Variants in CWC22 observed in about 807,000 individuals in gnomAD.
CWC22 encodes CWC22 spliceosome associated protein, also known as pre-mRNA-splicing factor CWC22 homolog.
In CWC22, 53 loss-of-function variants were observed where a neutral mutation model predicts 117.2. That is an observed-to-expected ratio of 0.45 (90% CI 0.36 to 0.57). CWC22 has a LOEUF of 0.57. CWC22 is among the 20% of genes least tolerant of loss of function. The probability of loss-of-function intolerance (pLI) is 0.00; values close to 1 mark genes in which losing one functional copy is unlikely to be tolerated. For synonymous variants in CWC22, 360 were observed against 355.6 expected (o/e 1.01, Z -0.14); for missense variants, 980 against 1,068.8 (o/e 0.92, Z 1.16).
chr2:179,980,058 G>C (rs897795178), intron 5 of CWC22, among the ~76,000 whole-genome samples: 1 of 152,160 alleles, frequency 6.6e-6, no homozygotes, highest in Non-Finnish European at 1.5e-5. Context: ...TGACTCTCCT[G>C]TGTGCTTTAT....
chr2:179,995,035 G>A lies in CWC22; in HGVS notation c.-113-1581C>T, dbSNP rs529066112. On this transcript the variant is annotated intron_variant, in intron 1 of 19. Coordinates refer to ENST00000410053, the MANE Select transcript of CWC22 (RefSeq NM_020943.3). ...CCGGAGGCTGAGGTGGGAGAATGGCGTGAACCTGGGAGGCGGAGCTTGCAG... is the reference window on the plus strand; with the variant it reads ...CCGGAGGCTGAGGTGGGAGAATGGCATGAACCTGGGAGGCGGAGCTTGCAG... 5.9e-5 allele frequency among the ~76,000 whole-genome samples: 9 copies of A among 152,214 alleles called. No homozygotes were observed. In the East Asian group the frequency reaches 7.8e-4, roughly 13 times the overall value.
Position 179,963,705 on chromosome 2 carries a change from A to G in CWC22, c.1397+842T>C, listed in dbSNP as rs188323328. On this transcript the variant is annotated intron_variant, in intron 13 of 19. Transcript: ENST00000410053. ...GATAAAGCAAAAAAATTCCCAACCA[A>G]TGTTTTGCTGTTTAACGTTCCTCTA... 3.9e-4 allele frequency among the ~76,000 whole-genome samples: 59 copies of G among 152,306 alleles called. 1 individual carries two copies. In the East Asian group the frequency reaches 0.011, roughly 28 times the overall value.
chr2:179,977,451 T>C (rs1049739173), intron 6 of CWC22, among the ~76,000 whole-genome samples: 2 of 152,082 alleles, frequency 1.3e-5, no homozygotes, highest in African/African-American at 4.8e-5. Flanking sequence ...TTATGCTAAG[T>C]GAAATAAGCC....
intron 17 of CWC22, among the ~76,000 whole-genome samples, chr2:179,951,995 C>A (rs1686462847): frequency 6.6e-6 from 1 of 151,986 alleles, no homozygotes; most frequent in African/African-American, 2.4e-5. Context: ...AGAAGTCAAC[C>A]TAAGTGGCAA....
intron 19 of CWC22, among the ~76,000 whole-genome samples, chr2:179,949,993 AG>A: frequency 6.6e-6 from 1 of 152,284 alleles, no homozygotes; most frequent in Middle Eastern, 3.4e-3. Flanking sequence ...AGCTGCCATG[AG>A]GATGGAAGGA....
intron 5 of CWC22, among the ~76,000 whole-genome samples, chr2:179,980,578 T>A (rs1273729812): frequency 6.6e-6 from 1 of 151,940 alleles, no homozygotes; most frequent in Non-Finnish European, 1.5e-5. Flanking sequence ...CCACCACGCC[T>A]GGCTAATTTT....
intron 19 of CWC22, 96 bp downstream of exon 19, chr2:179,950,416 A>T: frequency 1.3e-6 from 1 of 772,622 alleles, no homozygotes; most frequent in South Asian, 1.8e-5. Flanking sequence ...CTGATCTCTA[A>T]GACAAATAAA....
Position 179,970,799 on chromosome 2 carries a change from T to A in CWC22, c.998A>T (p.Gln333Leu), listed in dbSNP as rs778088704. 4.3e-6 allele frequency: 7 copies of A among 1,613,716 alleles called. No individual in the cohort carries two copies. The highest frequency in any genetic ancestry group is 5.9e-6 in the Non-Finnish European group (7 of 1,179,764). Residue 333 changes from glutamine (Q) to leucine (L), a missense_variant, in exon 10 of 20, where the codon CAA (glutamine) becomes CTA (leucine). By Grantham distance (113) the Gln-to-Leu change is moderately radical. Transcript: ENST00000410053. ...AGCAAACATCACTTCAATCATATATTGAACTCTTTTGTCAATTTCAGACTC... is the reference window on the plus strand; with the variant it reads ...AGCAAACATCACTTCAATCATATATAGAACTCTTTTGTCAATTTCAGACTC... ...LHESEIDKRV[Q>L]YMIEVMFAVR...
rs1408494313 is a variant in CWC22, at chr2:179,981,798, G to A, written c.406C>T (p.Pro136Ser). ...LTRTGGAYIP[P>S]AKLRMMQEQI... Reference sequence around the variant, plus strand: ...TCCTGCATCATCCTGAGCTTTGCAGGGGGAATATATGCTCCACCAGTGCGA... The same window carrying A: ...TCCTGCATCATCCTGAGCTTTGCAGAGGGAATATATGCTCCACCAGTGCGA... The change falls in exon 5 of 20, where the codon CCT becomes TCT. Residue 136 changes from proline (P) to serine (S), a missense_variant. Around this residue, in one of 3 missense-constraint regions of CWC22, gnomAD observed 559 missense variants for 602.3 expected, o/e 0.93. Transcript: ENST00000410053. 10 of 1,613,878 alleles carry A rather than the reference G, an allele frequency of 6.2e-6. No homozygotes were observed. The highest frequency in any genetic ancestry group is 8.5e-6 in the Non-Finnish European group (10 of 1,179,858).
intron 4 of CWC22, among the ~76,000 whole-genome samples, chr2:179,982,468 TAAG>T (rs1687309144): frequency 6.6e-6 from 1 of 152,150 alleles, no homozygotes; most frequent in Non-Finnish European, 1.5e-5. Context: ...AAGAGTGTTT[TAAG>T]AAGACAAATT....
Position 179,964,577 on chromosome 2 carries a change from C to G in CWC22, c.1367G>C (p.Arg456Pro). The G allele has an allele frequency of 3.8e-6, 6 of 1,569,752 alleles. No homozygotes were observed. Among genetic ancestry groups the G allele is most frequent in the Non-Finnish European group, 5.2e-6 (6 of 1,154,172 alleles). The change falls in exon 13 of 20, where the codon CGT (arginine) becomes CCT (proline). Residue 456 changes from arginine to proline, a missense_variant. Arg to Pro is a moderately radical substitution (Grantham distance 103). Transcript: ENST00000410053. ...DKTEINLVSF[R>P]RTIYLAIQSS... is the part of the protein sequence containing the mutation. ...CTGAATAGCAAGATAAATTGTACGA[C>G]GAAATGAGACCAGGTTAATTTCTGT...
rs61745754 is a variant in CWC22, at chr2:179,978,219, C to T, written c.552G>A (p.Glu184=). Residue 184 remains glutamate (E), a synonymous_variant, in exon 6 of 20, where the codon GAG becomes GAA. Transcript: ENST00000410053. The part of the protein sequence containing the change: ...NISNISIIIQ[E]LLQENIVRGR... ...CTCTAACTATATTTTCTTGAAGAAG[C>T]TCTTGAATAATAATACTTATGTTGG... 1,620 of 1,550,982 alleles carry T rather than the reference C, an allele frequency of 1.0e-3. 19 individuals carry two copies. In the African/African-American group the frequency reaches 0.02, roughly 20 times the overall value.
chr2:179,997,485 T>C (rs1356380502), intron 1 of CWC22, among the ~76,000 whole-genome samples: 1 of 152,178 alleles, frequency 6.6e-6, no homozygotes, highest in Non-Finnish European at 1.5e-5. Flanking sequence ...CTCAACAAGA[T>C]GACTCTGTTG....
intron 2 of CWC22, among the ~76,000 whole-genome samples, chr2:179,990,574 GAGA>G (rs1687538133): frequency 1.3e-5 from 2 of 151,388 alleles, no homozygotes; most frequent in East Asian, 3.9e-4. Context: ...GAGAGAGAGA[GAGA>G]GAAAGAAGAA....
At chr2:179,946,412 C>T (rs1042773387) in intron 19 of CWC22, among the ~76,000 whole-genome samples, 1 of 127,272 alleles carries the variant, frequency 7.9e-6, no homozygotes, top group Non-Finnish European at 1.5e-5. Context: ...GAATGCACCG[C>T]TACACCCCAG....
intron 2 of CWC22, 44 bp from the exon 3 acceptor site, chr2:179,988,688 G>C: frequency 2.8e-6 from 3 of 1,053,208 alleles, no homozygotes. Context: ...AATTATTTAT[G>C]TTAATAACAC....
At chr2:179,951,971 A>G (rs1686461723) in intron 17 of CWC22, among the ~76,000 whole-genome samples, 1 of 152,152 alleles carries the variant, frequency 6.6e-6, no homozygotes, top group African/African-American at 2.4e-5. Flanking sequence ...TGATTTCAGT[A>G]GTGTCAATGG....
intron 19 of CWC22, among the ~76,000 whole-genome samples, chr2:179,948,609 C>A (rs949709379): frequency 6.6e-6 from 1 of 152,162 alleles, no homozygotes; most frequent in African/African-American, 2.4e-5. Context: ...GCACTAAGAA[C>A]AACACATTGT....
intron 6 of CWC22, among the ~76,000 whole-genome samples, chr2:179,974,145 T>C (rs1052053974): frequency 1.3e-5 from 2 of 152,136 alleles, no homozygotes; most frequent in African/African-American, 4.8e-5. Flanking sequence ...TTTTAAAAAG[T>C]AAACAAAAGC....
Sources: allele counts gnomAD v4.1 joint callset (sites outside exome capture counted in the v4.1 genomes callset), GRCh38; gene constraint gnomAD v4.1.1; regional missense constraint gnomAD v4.1.1; transcripts MANE v1.5; gene names NCBI Gene and HGNC (gene_info 2026-07-23, HGNC 2026-07-21).